Variants in LIMD2 observed in about 807,000 individuals in gnomAD.
LIMD2 encodes LIM domain containing 2.
LIMD2 carries 11 observed loss-of-function variants against 16.0 expected under a neutral mutation model. The observed-to-expected ratio is 0.69, with a 90% CI of 0.43 to 1.14. The LOEUF (loss-of-function observed/expected upper bound fraction) is 1.14. LIMD2 is among the 50% of genes most tolerant of loss of function. LIMD2 has a pLI of 0.00. For missense variants in LIMD2, 168 were observed against 165.8 expected (o/e 1.01, Z -0.07); for synonymous variants, 60 against 67.1 (o/e 0.89, Z 0.52).
intron 2 of LIMD2, 67 bp downstream of exon 2, chr17:63,699,190 T>C (rs2143675072): frequency 6.3e-7 from 1 of 1,597,420 alleles, no homozygotes; most frequent in South Asian, 1.1e-5. Context: ...CAAACTCTGA[T>C]GCCTCTCCCC....
upstream of LIMD2, chr17:63,700,323 G>A (rs1598136839): frequency 1.4e-5 from 4 of 282,730 alleles, no homozygotes; most frequent in East Asian, 3.5e-4. The surrounding 1 kb of genome is among the most constrained non-coding windows in gnomAD (Gnocchi z 7.1). Context: ...CCGCGCTCCC[G>A]GCTCCGCAGC....
intron 1 of LIMD2, chr17:63,699,616 G>A (rs906521571): frequency 6.3e-5 from 21 of 332,614 alleles, no homozygotes; most frequent in Non-Finnish European, 1.0e-4. Context: ...CGCCGTGTGC[G>A]TCCCGCGGGC....
At position 63,700,091 on chromosome 17, in the gene LIMD2, G is replaced by GC. The variant is rs1426774742; in HGVS notation, c.-111_-110insG. On this transcript the variant is annotated 5_prime_UTR_variant, in exon 1 of 5. Transcript: ENST00000259006. The surrounding 1 kb of genome is among the most constrained non-coding windows in gnomAD (Gnocchi z 7.1). ...TCCGGGGGCGCACGGGTACGAGGAG[G>GC]GCGCGGGCGCGAGCTGCTGCCGCTA... 2.0e-6 allele frequency: 2 copies of GC among 984,710 alleles called. No individual in the cohort carries two copies. Among genetic ancestry groups the GC allele is most frequent in the Non-Finnish European group, 2.4e-6 (2 of 829,368 alleles). The allele number at this position is 984,710 out of a possible 1,614,324, so 61.0% of individuals were successfully genotyped here.
In LIMD2 at chr17:63,700,027, C is replaced by T. The variant is rs1424422325; in HGVS notation, c.-51+5G>A. On this transcript the variant is annotated splice_donor_5th_base_variant and intron_variant, in intron 1 of 4. Transcript: ENST00000259006. The surrounding 1 kb of genome is among the most constrained non-coding windows in gnomAD (Gnocchi z 7.1). The stretch of plus-strand genomic sequence containing the variant: ...GGACGCGGCCCCTCCCCCCGCGGCT[C>T]TCACCAGGCCCGGCCTGGGCCGCGG... 1 of 984,110 alleles carries T rather than the reference C, an allele frequency of 1.0e-6. No homozygotes were observed. The highest frequency in any genetic ancestry group is 1.2e-6 in the Non-Finnish European group (1 of 829,312). 61.0% of individuals were successfully genotyped at this position (984,110 alleles called of 1,614,324 possible).
chr17:63,698,508 C>CG lies in LIMD2; in HGVS notation c.*43dup. 1.3e-6 allele frequency: 2 copies of CG among 1,599,194 alleles called. No homozygotes were observed. The highest frequency in any genetic ancestry group is 2.2e-5 in the South Asian group (2 of 89,770). On this transcript the variant is annotated 3_prime_UTR_variant, in exon 5 of 5. Coordinates refer to ENST00000259006, the MANE Select transcript of LIMD2 (RefSeq NM_030576.4). The stretch of plus-strand genomic sequence containing the variant: ...GACCTCCTTCCCACCTTCCCCCTGC[C>CG]GGCTCCAGGCCTTCCGCAGAGGGGG...
Position 63,698,267 on chromosome 17 carries a change from T to G in LIMD2, c.*285A>C. ...GGCACCTAGATAGGGGAGCTGGGCT[T>G]GGGGGCCTCCCAGGGGGTCCTGGGG... On this transcript the variant is annotated 3_prime_UTR_variant, in exon 5 of 5. Transcript: ENST00000259006. The G allele has an allele frequency of 2.2e-6, 1 of 458,220 alleles. No homozygotes were observed. The highest frequency in any genetic ancestry group is 2.6e-5 in the South Asian group (1 of 38,150). The allele number at this position is 458,220 out of a possible 1,614,324, so 28.4% of individuals were successfully genotyped here.
intron 1 of LIMD2, 22 bp from the exon 2 acceptor site, chr17:63,699,370 G>A (rs999650055): frequency 3.7e-5 from 56 of 1,527,274 alleles, no homozygotes; most frequent in Non-Finnish European, 4.9e-5. Context: ...AGTCAGTCGG[G>A]AGGGCCCCGC....
chr17:63,700,164 C>CGCCCCCGCCG (rs1251216218), upstream of LIMD2: 87 of 982,604 alleles, frequency 8.9e-5, no homozygotes, highest in Non-Finnish European at 1.0e-4. The surrounding 1 kb of genome is among the most constrained non-coding windows in gnomAD (Gnocchi z 7.1). Context: ...ATCGCTGCAC[C>CGCCCCCGCCG]GCCCCCGCCG....
chr17:63,698,926 G>T lies in LIMD2; in HGVS notation c.97C>A (p.Arg33=). ...GCGCAGGTCTCCTTCACCTGGGCCC[G>T]CAGGCTGAAGGACTGTGCGGGAAGC... ...TVQRSKSFSL[R]AQVKETCAAC... The change falls in exon 4 of 5, where the codon CGG becomes AGG. Residue 33 remains arginine (R), a synonymous_variant. Coordinates refer to ENST00000259006, the MANE Select transcript of LIMD2 (RefSeq NM_030576.4). 1 of 1,612,764 alleles carries T rather than the reference G, an allele frequency of 6.2e-7. No homozygotes were observed. The highest frequency in any genetic ancestry group is 1.1e-5 in the South Asian group (1 of 91,084).
upstream of LIMD2, chr17:63,700,645 C>T (rs368263910): frequency 6.6e-6 from 1 of 151,604 alleles, no homozygotes; most frequent in Admixed American, 6.6e-5. The surrounding 1 kb of genome is among the most constrained non-coding windows in gnomAD (Gnocchi z 7.1). Context: ...GAGACCCAGC[C>T]GGGGCGACCC....
chr17:63,698,487 T>C lies in LIMD2; in HGVS notation c.*65A>G. The C allele has an allele frequency of 6.4e-7, 1 of 1,563,830 alleles. No individual in the cohort carries two copies. The highest frequency in any genetic ancestry group is 8.7e-7 in the Non-Finnish European group (1 of 1,154,400). On this transcript the variant is annotated 3_prime_UTR_variant, in exon 5 of 5. Transcript: ENST00000259006. ...GCCCCCACGCAAGCCCAGCTCGACC[T>C]CCTTCCCACCTTCCCCCTGCCGGCT...
At chr17:63,700,220 G>A, upstream of LIMD2, 1 of 920,084 alleles carries the variant, frequency 1.1e-6, no homozygotes, top group African/African-American at 1.8e-5. This position sits in a 1 kb window ranked among gnomAD's most constrained non-coding sequence, Gnocchi z 7.1. Context: ...GCCCGGAGCC[G>A]CCTTCGGGGC....
chr17:63,699,774 C>G, intron 1 of LIMD2: 21 of 176,536 alleles, frequency 1.2e-4, no homozygotes, highest in South Asian at 3.7e-4. Context: ...GCCCGAGGTC[C>G]CCGCCCGCCC....
rs1006543742 is a variant in LIMD2, at chr17:63,697,291, G to A, written c.*1261C>T. 3 of 152,338 alleles carry A rather than the reference G, an allele frequency of 2.0e-5. No individual in the cohort carries two copies. The highest frequency in any genetic ancestry group is 7.2e-5 in the African/African-American group (3 of 41,452). 9.4% of individuals were successfully genotyped at this position (152,338 alleles called of 1,614,324 possible). On this transcript the variant is annotated 3_prime_UTR_variant, in exon 5 of 5. Coordinates refer to ENST00000259006, the MANE Select transcript of LIMD2 (RefSeq NM_030576.4). ...GATGACAGCAGCGAGGGGTAATGAT[G>A]AGGGGGGACAATCCAGGGGTCACTA...
chr17:63,699,024 C>T lies in LIMD2; in HGVS notation c.84+4G>A. The T allele has an allele frequency of 1.2e-6, 2 of 1,610,058 alleles. No homozygotes were observed. The highest frequency in any genetic ancestry group is 1.7e-6 in the Non-Finnish European group (2 of 1,178,684). On this transcript the variant is annotated splice_donor_region_variant and intron_variant, in intron 3 of 4. Coordinates refer to ENST00000259006, the MANE Select transcript of LIMD2 (RefSeq NM_030576.4). ...CTCCCGCACACCCGGCCCCAGGCCC[C>T]TACCTTGGAGCGCTGCACCGTGCTG...
chr17:63,699,472 C>G (rs1392830427), intron 1 of LIMD2, 124 bp from the exon 2 acceptor site: 2 of 928,976 alleles, frequency 2.2e-6, no homozygotes, highest in African/African-American at 3.4e-5. Context: ...TTTCCTGTTG[C>G]TCTTGGTCTT....
rs1288002800 is a variant in LIMD2 at position 63,697,972 on chromosome 17, G to C, written c.*580C>G. 6.5e-6 allele frequency: 1 copy of C among 153,336 alleles called. No homozygotes were observed. Among genetic ancestry groups the C allele is most frequent in the Admixed American group, 6.5e-5 (1 of 15,352 alleles). The allele number at this position is 153,336 out of a possible 1,614,324, so 9.5% of individuals were successfully genotyped here. A position where few individuals can be genotyped will look rare whatever the true frequency, so the allele number is the denominator to read the frequency against. On this transcript the variant is annotated 3_prime_UTR_variant, in exon 5 of 5. Transcript: ENST00000259006. ...TTCTGCTTCTCCACGCTGGTGGTTC[G>C]AGATGGTCCCAAGCCCCACTGGGGC...
In LIMD2 at chr17:63,698,497, C is replaced by A; in HGVS notation, c.*55G>T. ...AAGCCCAGCTCGACCTCCTTCCCAC[C>A]TTCCCCCTGCCGGCTCCAGGCCTTC... On this transcript the variant is annotated 3_prime_UTR_variant, in exon 5 of 5. Coordinates refer to ENST00000259006, the MANE Select transcript of LIMD2 (RefSeq NM_030576.4). The A allele has an allele frequency of 1.9e-6, 3 of 1,585,664 alleles. No homozygotes were observed. The highest frequency in any genetic ancestry group is 1.7e-6 in the Non-Finnish European group (2 of 1,166,286).
chr17:63,700,188 G>GC, upstream of LIMD2: 8 of 934,164 alleles, frequency 8.6e-6, no homozygotes, highest in South Asian at 4.9e-5. This position sits in a 1 kb window ranked among gnomAD's most constrained non-coding sequence, Gnocchi z 7.1. Context: ...CCCGCCCCGC[G>GC]CCCGCCCATT....
Sources: allele counts gnomAD v4.1 joint callset, GRCh38; gene constraint gnomAD v4.1.1; non-coding constraint Gnocchi (gnomAD v3.1); transcripts MANE v1.5; gene names NCBI Gene and HGNC (gene_info 2026-07-23, HGNC 2026-07-21).